Variants in HMCN2 observed in about 807,000 individuals in gnomAD.
HMCN2 encodes hemicentin-2.
A neutral mutation model predicts 377.5 loss-of-function variants in HMCN2; 325 were observed. The ratio of observed to expected loss-of-function variants is 0.86; its 90% CI spans 0.79 to 0.94. The LOEUF (loss-of-function observed/expected upper bound fraction) is 0.94, where lower values mean the gene tolerates loss of function less well. HMCN2 is among the 40% of genes least tolerant of loss of function. The probability of loss-of-function intolerance (pLI) is 0.00; values close to 1 mark genes in which losing one functional copy is unlikely to be tolerated. For synonymous variants in HMCN2, 2,007 were observed against 2,046.8 expected (o/e 0.98, Z 0.53); for missense variants, 4,543 against 4,725.3 (o/e 0.96, Z 1.13).
Position 130,428,458 on chromosome 9 carries a change from C to T in HMCN2, c.14166C>T (p.Gly4722=). ...SYRCLPDCGP[G]FRVADGAGCE... Reference sequence around the variant, plus strand: ...GCTGCCTCCCCGACTGTGGGCCTGGCTTCCGGGTGGCTGATGGGGCCGGCT... The same window carrying T: ...GCTGCCTCCCCGACTGTGGGCCTGGTTTCCGGGTGGCTGATGGGGCCGGCT... Residue 4722 remains glycine, a synonymous_variant, in exon 93 of 98, where the codon GGC becomes GGT. Coordinates refer to ENST00000683500, the MANE Select transcript of HMCN2 (RefSeq NM_001291815.2). This position sits in a 1 kb window ranked among gnomAD's most constrained non-coding sequence, Gnocchi z 5.0. 1 of 1,544,010 alleles carries T rather than the reference C, an allele frequency of 6.5e-7. No homozygotes were observed.
At chr9:130,269,556 C>T (rs1554920380) in intron 1 of HMCN2, among the ~76,000 whole-genome samples, 2 of 147,938 alleles carry the variant, frequency 1.4e-5, no homozygotes, top group South Asian at 4.4e-4. Context: ...AGCACAGCCA[C>T]CCCCAACACT....
chr9:130,290,615 G>A (rs111384364), intron 4 of HMCN2, among the ~76,000 whole-genome samples: 101 of 152,288 alleles, frequency 6.6e-4, no homozygotes, highest in African/African-American at 2.2e-3. Context: ...GGCCTCTCCA[G>A]CTGGGAGTCC....
At chr9:130,390,344 T>C (rs2131669919) in intron 62 of HMCN2, among the ~76,000 whole-genome samples, 1 of 151,858 alleles carries the variant, frequency 6.6e-6, no homozygotes, top group South Asian at 2.1e-4. Context: ...CCACCCCCGA[T>C]ACATTGTGAA....
At chr9:130,291,822 T>C (rs1299109906) in intron 4 of HMCN2, among the ~76,000 whole-genome samples, 1 of 152,228 alleles carries the variant, frequency 6.6e-6, no homozygotes, top group African/African-American at 2.4e-5. Flanking sequence ...CTTCAAACTG[T>C]CTTTGATCAC....
chr9:130,410,706 G>A lies in HMCN2; in HGVS notation c.12961+54G>A, dbSNP rs184010518. On this transcript the variant is annotated intron_variant, in intron 85 of 97. Transcript: ENST00000683500. ...CGTGGGAAGTGTGCTCGGGGACAGC[G>A]GTGGCGTGTGCAGCCTAGAGGGCAG... 1.1e-4 allele frequency: 166 copies of A among 1,477,878 alleles called. 1 individual carries two copies. In the Admixed American group the frequency reaches 2.8e-3, roughly 25 times the overall value. The allele number at this position is 1,477,878 out of a possible 1,614,324, so 91.5% of individuals were successfully genotyped here. A position where few individuals can be genotyped will look rare whatever the true frequency, so the allele number is the denominator to read the frequency against.
In HMCN2 at chr9:130,395,648, C is replaced by T. The variant is rs76556683; in HGVS notation, c.10912-276C>T. On this transcript the variant is annotated intron_variant, in intron 71 of 97. Transcript: ENST00000683500. Reference sequence around the variant, plus strand: ...GCCTGGACCGGTGACCAAGGCTCTCCGTGCCCACCCCTCAAATGGGGTCAG... The same window carrying T: ...GCCTGGACCGGTGACCAAGGCTCTCTGTGCCCACCCCTCAAATGGGGTCAG... Among the ~76,000 whole-genome samples, 880 of 152,298 alleles carry T rather than the reference C, an allele frequency of 5.8e-3. 4 individuals are homozygous for T. Among genetic ancestry groups the T allele is most frequent in the Non-Finnish European group, 9.8e-3 (669 of 68,020 alleles).
intron 14 of HMCN2, 90 bp downstream of exon 14, chr9:130,307,656 G>A (rs1221218409): frequency 4.3e-6 from 2 of 462,030 alleles, no homozygotes; most frequent in Non-Finnish European, 9.0e-6. Context: ...GTGGAGTCTG[G>A]GGAGAGCTGG....
chr9:130,341,199 A>G lies in HMCN2; in HGVS notation c.3576A>G (p.Pro1192=), dbSNP rs1183011659. The part of the protein sequence containing the change: ...LDLNCVAEGN[P]EPQLSWSKDG... ...TGAACTGTGTGGCTGAGGGCAACCCAGAGCCCCAGCTGAGCTGGTCCAAGG... is the reference window on the plus strand; with the variant it reads ...TGAACTGTGTGGCTGAGGGCAACCCGGAGCCCCAGCTGAGCTGGTCCAAGG... The change falls in exon 24 of 98, where the codon CCA becomes CCG. Residue 1192 remains proline, a synonymous_variant. Coordinates refer to ENST00000683500, the MANE Select transcript of HMCN2 (RefSeq NM_001291815.2). The G allele has an allele frequency of 1.3e-5, 2 of 152,338 alleles. No individual in the cohort carries two copies. The highest frequency in any genetic ancestry group is 6.5e-5 in the Admixed American group (1 of 15,290). The allele number at this position is 152,338 out of a possible 1,614,324, so 9.4% of individuals were successfully genotyped here. A position where few individuals can be genotyped will look rare whatever the true frequency, so the allele number is the denominator to read the frequency against.
chr9:130,307,041 A>C, intron 13 of HMCN2, 103 bp downstream of exon 13: 1 of 372,948 alleles, frequency 2.7e-6, no homozygotes, highest in Non-Finnish European at 5.6e-6. Flanking sequence ...CCTGTCACGC[A>C]CCGGGGACAC....
intron 76 of HMCN2, 143 bp downstream of exon 76, chr9:130,399,775 C>T (rs560515163): frequency 1.4e-4 from 65 of 461,614 alleles, no homozygotes; most frequent in African/African-American, 1.3e-3. Flanking sequence ...TCTCTCAGAT[C>T]CTGCTGGGCC....
Position 130,369,842 on chromosome 9 carries a change from T to C in HMCN2, c.7060T>C (p.Ser2354Pro). 1 of 986,112 alleles carries C rather than the reference T, an allele frequency of 1.0e-6. No individual in the cohort carries two copies. Among genetic ancestry groups the C allele is most frequent in the Non-Finnish European group, 1.2e-6 (1 of 830,400 alleles). 61.1% of individuals were successfully genotyped at this position (986,112 alleles called of 1,614,324 possible). ...GAGGGCAGAGAGGAAGTTTGAGCTC[T>C]CCGTACTGGGTGAGGACCGGCAGCT... is the stretch of plus-strand genomic sequence containing the variant. ...AGRAERKFEL[S>P]VLVPPELIGD... The change falls in exon 45 of 98, where the codon TCC (serine) becomes CCC (proline). Residue 2354 changes from serine to proline, a missense_variant. Physicochemically the swap from Ser to Pro is moderately conservative, Grantham distance 74. Around this residue, in one of 5 missense-constraint regions of HMCN2, gnomAD observed 1,032 missense variants for 1,285.1 expected, o/e 0.80. Transcript: ENST00000683500. The surrounding 1 kb of genome is among the most constrained non-coding windows in gnomAD (Gnocchi z 4.5).
intron 85 of HMCN2, among the ~76,000 whole-genome samples, chr9:130,415,092 C>T (rs59947021): frequency 0.019 from 2,877 of 152,260 alleles, 111 homozygotes; most frequent in African/African-American, 0.066. Flanking sequence ...TCCCTGTTCC[C>T]GGGTGTCCAT....
Position 130,356,142 on chromosome 9 carries a change from G to C in HMCN2, c.5310G>C (p.Ser1770=). ...AGCTGGCTGGGGTGCAGGTGGCCTC[G>C]CAGGGGACCACACTGCACATTGACC... ...AEELAGVQVA[S]QGTTLHIDHV... is the part of the protein sequence containing the mutation. The change falls in exon 34 of 98, where the codon TCG becomes TCC. Residue 1770 remains serine, a synonymous_variant. Transcript: ENST00000683500. The C allele has an allele frequency of 7.7e-7, 1 of 1,301,752 alleles. No individual in the cohort carries two copies. The highest frequency in any genetic ancestry group is 1.2e-5 in the South Asian group (1 of 80,938). The allele number at this position is 1,301,752 out of a possible 1,614,324, so 80.6% of individuals were successfully genotyped here.
chr9:130,316,767 G>A (rs1837583220), intron 15 of HMCN2, among the ~76,000 whole-genome samples: 1 of 152,226 alleles, frequency 6.6e-6, no homozygotes, highest in Non-Finnish European at 1.5e-5. Flanking sequence ...ACAGCAGAGG[G>A]TCACCTGGGA....
At chr9:130,336,707 A>G (rs1316190714) in intron 22 of HMCN2, among the ~76,000 whole-genome samples, 1 of 152,126 alleles carries the variant, frequency 6.6e-6, no homozygotes, top group Non-Finnish European at 1.5e-5. Flanking sequence ...GGTGGCTGGA[A>G]AGGGGGTGTC....
chr9:130,424,475 C>T (rs1347355288), intron 87 of HMCN2, among the ~76,000 whole-genome samples: 4 of 151,836 alleles, frequency 2.6e-5, no homozygotes, highest in Admixed American at 6.6e-5. Flanking sequence ...CATGAGCCAC[C>T]GCGCCCGGCC....
Position 130,364,700 on chromosome 9 carries a change from GC to G in HMCN2, c.6233-9del. 1 of 985,918 alleles carries G rather than the reference GC, an allele frequency of 1.0e-6. No individual in the cohort carries two copies. Among genetic ancestry groups the G allele is most frequent in the Non-Finnish European group, 1.2e-6 (1 of 829,956 alleles). The allele number at this position is 985,918 out of a possible 1,614,324, so 61.1% of individuals were successfully genotyped here. On this transcript the variant is annotated splice_polypyrimidine_tract_variant and intron_variant, in intron 40 of 97. Transcript: ENST00000683500. ...ATGTGCCTGAGGGAGCCCTTCTCCT[GC>G]CCCCTCCTGCAGTGCCCCCGAGTAT...
At chr9:130,377,920 A>C (rs1464783224) in intron 53 of HMCN2, 121 bp downstream of exon 53, 1 of 765,758 alleles carries the variant, frequency 1.3e-6, no homozygotes, top group African/African-American at 1.9e-5. Context: ...GGCATCTCCC[A>C]CTGGCTCATC....
At chr9:130,373,566 AGGAT>A (rs199943504) in intron 48 of HMCN2, among the ~76,000 whole-genome samples, 30,743 of 102,696 alleles carry the variant, frequency 0.3, 5,497 homozygotes, top group Admixed American at 0.42. Flanking sequence ...TATGGGTTGA[AGGAT>A]GGATGGATGG....
Sources: allele counts gnomAD v4.1 joint callset (sites outside exome capture counted in the v4.1 genomes callset), GRCh38; gene constraint gnomAD v4.1.1; regional missense constraint gnomAD v4.1.1; non-coding constraint Gnocchi (gnomAD v3.1); transcripts MANE v1.5; gene names NCBI Gene and HGNC (gene_info 2026-07-23, HGNC 2026-07-21).